NPIPB2: variants seen among roughly 807,000 people sequenced by gnomAD.
NPIPB2 encodes the protein nuclear pore complex-interacting protein family member B2.
NPIPB2 carries 27 observed loss-of-function variants against 30.8 expected under a neutral mutation model. The ratio of observed to expected loss-of-function variants is 0.88; its 90% CI spans 0.65 to 1.21. The LOEUF (loss-of-function observed/expected upper bound fraction) is 1.21. Ranked by LOEUF, NPIPB2 falls within the 50% of genes most tolerant of loss-of-function variation. The pLI, the probability that NPIPB2 is intolerant of heterozygous loss-of-function variation, is 0.00. For synonymous variants in NPIPB2, 147 were observed against 162.0 expected, an observed-to-expected ratio of 0.91 and a Z score of 0.70; for missense variants, 440 against 446.2, an observed-to-expected ratio of 0.99 and a Z score of 0.13.
exon 5 of NPIPB2, chr16:11,930,458 G>A: frequency 1.3e-6 from 2 of 1,564,884 alleles, no homozygotes; most frequent in East Asian, 4.6e-5. Flanking sequence ...ACATGTAGGT[G>A]TGTATTTCTT....
intron 1 of NPIPB2, among the ~76,000 whole-genome samples, chr16:11,949,922 T>C (rs377511780): frequency 1.3e-5 from 2 of 152,232 alleles, no homozygotes; most frequent in Admixed American, 6.5e-5. Flanking sequence ...AGTATATTCA[T>C]TGCCAACACT....
intron 1 of NPIPB2, chr16:11,967,842 A>G (rs1228088671): frequency 6.2e-7 from 1 of 1,613,670 alleles, no homozygotes; most frequent in Non-Finnish European, 8.5e-7. Context: ...AATTTCTGCT[A>G]GGTAATTAAC....
At chr16:11,957,305 C>T (rs1192787700) in intron 1 of NPIPB2, among the ~76,000 whole-genome samples, 1 of 151,942 alleles carries the variant, frequency 6.6e-6, no homozygotes, top group African/African-American at 2.4e-5. Flanking sequence ...GCTGGGACTA[C>T]AGGCGTGTGA....
chr16:11,965,328 T>G, intron 1 of NPIPB2: 2 of 1,614,220 alleles, frequency 1.2e-6, no homozygotes, highest in South Asian at 2.2e-5. Flanking sequence ...TGTGATCATG[T>G]TGCAGATGGC....
chr16:11,947,861 C>T (rs7193780), intron 1 of NPIPB2, among the ~76,000 whole-genome samples: 3,289 of 151,180 alleles, frequency 0.022, 61 homozygotes, highest in African/African-American at 0.048. Flanking sequence ...GTCATGGAAG[C>T]TGGGGCTAGC....
intron 2 of NPIPB2, among the ~76,000 whole-genome samples, chr16:11,935,644 ATT>A (rs2054855574): frequency 6.6e-6 from 1 of 151,678 alleles, no homozygotes; most frequent in Non-Finnish European, 1.5e-5. Flanking sequence ...TCTTTGTAGA[ATT>A]TGTTTTTTCC....
intron 1 of NPIPB2, among the ~76,000 whole-genome samples, chr16:11,952,241 G>A (rs367810668): frequency 2.0e-5 from 3 of 151,408 alleles, no homozygotes; most frequent in Non-Finnish European, 2.9e-5. Flanking sequence ...CCAGCTACTC[G>A]GGAGGCTAAG....
At chr16:11,961,339 G>C (rs1208911277) in intron 1 of NPIPB2, among the ~76,000 whole-genome samples, 1 of 151,754 alleles carries the variant, frequency 6.6e-6, no homozygotes, top group African/African-American at 2.4e-5. Flanking sequence ...CTCACCACCT[G>C]GACCCCAGAG....
intron 1 of NPIPB2, among the ~76,000 whole-genome samples, chr16:11,954,733 C>A (rs957440161): frequency 1.3e-5 from 2 of 151,648 alleles, no homozygotes; most frequent in African/African-American, 4.8e-5. Context: ...CGGTGAAACC[C>A]TATCTCTACT....
intron 1 of NPIPB2, chr16:11,968,043 C>A: frequency 1.4e-5 from 8 of 552,420 alleles, no homozygotes; most frequent in Middle Eastern, 5.1e-4. Context: ...TCCTTGGTTT[C>A]ATGATTAAAC....
At chr16:11,951,625 T>TACACACAC (rs1214348316) in intron 1 of NPIPB2, among the ~76,000 whole-genome samples, 6,168 of 95,760 alleles carry the variant, frequency 0.064, 250 homozygotes, top group South Asian at 0.078. Context: ...CACATACACA[T>TACACACAC]ACACACACAC....
At chr16:11,944,091 A>G (rs890050917), upstream of NPIPB2, among the ~76,000 whole-genome samples, 1 of 151,744 alleles carries the variant, frequency 6.6e-6, no homozygotes, top group African/African-American at 2.4e-5. Flanking sequence ...CATTACCACA[A>G]ATTTTAAAAC....
At chr16:11,942,576 A>T (rs898304989), upstream of NPIPB2, among the ~76,000 whole-genome samples, 24 of 152,174 alleles carry the variant, frequency 1.6e-4, no homozygotes, top group African/African-American at 5.8e-4. Flanking sequence ...AACCCAAATG[A>T]GGGGGAGAAA....
intron 1 of NPIPB2, chr16:11,965,295 C>T (rs1324576084): frequency 1.2e-6 from 2 of 1,613,540 alleles, no homozygotes; most frequent in Admixed American, 1.7e-5. Context: ...GCTGTTCTTT[C>T]TGTAGCTCCC....
chr16:11,935,414 A>G (rs2054852240), intron 2 of NPIPB2, among the ~76,000 whole-genome samples: 1 of 152,040 alleles, frequency 6.6e-6, no homozygotes, highest in South Asian at 2.1e-4. Context: ...CCCAGATTCA[A>G]GCGATTCTTG....
chr16:11,935,398 C>T (rs564849403), intron 2 of NPIPB2, among the ~76,000 whole-genome samples: 6 of 152,218 alleles, frequency 3.9e-5, no homozygotes, highest in African/African-American at 1.4e-4. Context: ...ACGGCAACCT[C>T]CACCTCCCAG....
chr16:11,960,518 G>A (rs1162782238), intron 1 of NPIPB2, among the ~76,000 whole-genome samples: 4 of 151,754 alleles, frequency 2.6e-5, no homozygotes, highest in Admixed American at 6.6e-5. Context: ...CACCATGCCC[G>A]GCTAATTTTT....
chr16:11,950,499 C>T (rs2055052258), intron 1 of NPIPB2, among the ~76,000 whole-genome samples: 1 of 152,154 alleles, frequency 6.6e-6, no homozygotes, highest in Non-Finnish European at 1.5e-5. Flanking sequence ...GGCTTCATGC[C>T]TGATGACTTT....
At chr16:11,960,148 A>G (rs894864766) in intron 1 of NPIPB2, among the ~76,000 whole-genome samples, 15 of 152,026 alleles carry the variant, frequency 9.9e-5, no homozygotes, top group Admixed American at 3.3e-4. Context: ...TCTGATGGCC[A>G]TAGTCTTCCA....
Sources: gnomAD v4.1 joint callset for allele counts (sites outside exome capture counted in the v4.1 genomes callset) on GRCh38, gnomAD v4.1.1 for gene constraint, MANE v1.5 for transcripts, NCBI Gene and HGNC (gene_info 2026-07-23, HGNC 2026-07-21) for gene names.